GRIA4: variants seen among roughly 807,000 people sequenced by gnomAD.
The protein encoded by GRIA4 is glutamate receptor 4.
A neutral mutation model predicts 104.0 loss-of-function variants in GRIA4; 34 were observed. The observed-to-expected ratio is 0.33, with a 90% CI of 0.25 to 0.44. GRIA4 has a LOEUF of 0.44. Ranked by LOEUF, GRIA4 falls within the 20% of genes least tolerant of loss-of-function variation. GRIA4 has a pLI of 1.00. For synonymous variants in GRIA4, 386 were observed against 381.9 expected (o/e 1.01, Z -0.13); for missense variants, 750 against 1,096.5 (o/e 0.68, Z 4.46).
At chr11:105,832,052 T>C (rs964185798) in intron 4 of GRIA4, among the ~76,000 whole-genome samples, 28 of 151,938 alleles carry the variant, frequency 1.8e-4, no homozygotes, top group African/African-American at 6.8e-4. Context: ...GTAGGAAATG[T>C]TGATTTGGAG....
chr11:105,750,689 G>T (rs1939946616), intron 3 of GRIA4, among the ~76,000 whole-genome samples: 1 of 152,112 alleles, frequency 6.6e-6, no homozygotes, highest in Non-Finnish European at 1.5e-5. Context: ...AAGAGTAGAT[G>T]GACTTTATGT....
intron 9 of GRIA4, among the ~76,000 whole-genome samples, chr11:105,905,997 T>G (rs1344728886): frequency 6.6e-6 from 1 of 152,198 alleles, no homozygotes; most frequent in Non-Finnish European, 1.5e-5. Flanking sequence ...CTCATGTAAT[T>G]TTTAACATTC....
chr11:105,688,755 G>A (rs1952983032), intron 3 of GRIA4, among the ~76,000 whole-genome samples: 1 of 152,086 alleles, frequency 6.6e-6, no homozygotes. Context: ...CAACATAGCT[G>A]TCTTACACCC....
chr11:105,761,118 C>T (rs1334522904), intron 4 of GRIA4, among the ~76,000 whole-genome samples: 1 of 152,008 alleles, frequency 6.6e-6, no homozygotes, highest in African/African-American at 2.4e-5. Context: ...ACTCTAATTC[C>T]ATAATTTTTT....
At chr11:105,927,174 G>T (rs759663341) in intron 13 of GRIA4, among the ~76,000 whole-genome samples, 27 of 151,962 alleles carry the variant, frequency 1.8e-4, no homozygotes, top group Non-Finnish European at 3.5e-4. Context: ...ACAATGAAAA[G>T]GTAATTAAAA....
chr11:105,670,439 G>A (rs967085544), intron 3 of GRIA4, among the ~76,000 whole-genome samples: 1 of 152,116 alleles, frequency 6.6e-6, no homozygotes, highest in Non-Finnish European at 1.5e-5. Context: ...CCAGATAAAT[G>A]CAGAAGTGTT....
chr11:105,756,577 A>G (rs1399397881), intron 4 of GRIA4, among the ~76,000 whole-genome samples: 1 of 151,952 alleles, frequency 6.6e-6, no homozygotes, highest in Non-Finnish European at 1.5e-5. Context: ...CCAAGAAGAG[A>G]TTTATCTTTA....
intron 4 of GRIA4, among the ~76,000 whole-genome samples, chr11:105,756,110 T>TAAAA (rs1940295554): frequency 6.6e-6 from 1 of 152,184 alleles, no homozygotes; most frequent in Non-Finnish European, 1.5e-5. Flanking sequence ...TGGAGACTAA[T>TAAAA]AAGATGCCTA....
chr11:105,752,542 AG>A (rs1940064580), intron 3 of GRIA4, among the ~76,000 whole-genome samples: 1 of 152,220 alleles, frequency 6.6e-6, no homozygotes, highest in Non-Finnish European at 1.5e-5. Context: ...GGAGGGCAAA[AG>A]GTATTATAAA....
chr11:105,654,983 C>T (rs1310102040), intron 3 of GRIA4, among the ~76,000 whole-genome samples: 1 of 152,092 alleles, frequency 6.6e-6, no homozygotes, highest in Non-Finnish European at 1.5e-5. Flanking sequence ...CTTTACTCAT[C>T]CTGATATCAT....
chr11:105,768,036 G>C (rs973530601), intron 4 of GRIA4, among the ~76,000 whole-genome samples: 1 of 152,088 alleles, frequency 6.6e-6, no homozygotes, highest in African/African-American at 2.4e-5. Flanking sequence ...TTAAAAAAAA[G>C]AGAACCAGTC....
intron 3 of GRIA4, chr11:105,613,414 T>C (rs187523952): frequency 1.4e-4 from 21 of 152,316 alleles, no homozygotes; most frequent in South Asian, 1.2e-3. Flanking sequence ...ATAATGACTA[T>C]AGATTATTTA....
intron 4 of GRIA4, among the ~76,000 whole-genome samples, chr11:105,855,415 G>T (rs1356379185): frequency 6.6e-6 from 1 of 151,848 alleles, no homozygotes; most frequent in Non-Finnish European, 1.5e-5. Context: ...TACACACATT[G>T]GAACTGTGAG....
chr11:105,764,038 G>A (rs1448274688), intron 4 of GRIA4, among the ~76,000 whole-genome samples: 1 of 152,182 alleles, frequency 6.6e-6, no homozygotes. Context: ...GGACAATTCA[G>A]AAATAGTACA....
intron 14 of GRIA4, among the ~76,000 whole-genome samples, chr11:105,953,642 C>CAT (rs1948513687): frequency 6.6e-6 from 1 of 151,690 alleles, no homozygotes; most frequent in Admixed American, 6.6e-5. Context: ...CACACACACA[C>CAT]ACACATATAT....
intron 14 of GRIA4, among the ~76,000 whole-genome samples, chr11:105,940,598 A>G (rs1948158749): frequency 6.6e-6 from 1 of 152,160 alleles, no homozygotes; most frequent in Non-Finnish European, 1.5e-5. Context: ...CCCTTCAGTG[A>G]AGAATTGTAT....
At chr11:105,960,924 T>A (rs1052870221) in intron 14 of GRIA4, among the ~76,000 whole-genome samples, 3 of 152,172 alleles carry the variant, frequency 2.0e-5, no homozygotes, top group Admixed American at 2.0e-4. Context: ...CTTCTCTCAG[T>A]GGGTCATGCC....
intron 4 of GRIA4, among the ~76,000 whole-genome samples, chr11:105,777,220 T>C (rs942194191): frequency 1.3e-5 from 2 of 152,222 alleles, no homozygotes; most frequent in African/African-American, 4.8e-5. Flanking sequence ...TGAACAGGTA[T>C]TGCTCTTAAA....
At chr11:105,950,084 G>A (rs1345556970) in intron 14 of GRIA4, among the ~76,000 whole-genome samples, 2 of 152,180 alleles carry the variant, frequency 1.3e-5, no homozygotes, top group Non-Finnish European at 2.9e-5. Flanking sequence ...TGTTGAGAAA[G>A]CTTGAATGTC....
Sources: gnomAD v4.1 joint callset for allele counts (sites outside exome capture counted in the v4.1 genomes callset) on GRCh38, gnomAD v4.1.1 for gene constraint, MANE v1.5 for transcripts, NCBI Gene and HGNC (gene_info 2026-07-23, HGNC 2026-07-21) for gene names.